Variants in SPAG1 observed in about 807,000 individuals in gnomAD.
SPAG1 encodes the protein sperm-associated antigen 1.
Under a neutral mutation model 100.5 loss-of-function variants are expected in SPAG1, and 69 were observed. The observed-to-expected ratio is 0.69, with a 90% CI of 0.57 to 0.84. The LOEUF (loss-of-function observed/expected upper bound fraction) is 0.84, where lower values mean the gene tolerates loss of function less well. Among genes scored for constraint, SPAG1 ranks in the 40% least tolerant of loss-of-function variants. SPAG1 has a pLI of 0.00. For missense variants in SPAG1, 955 were observed against 1,133.1 expected, an observed-to-expected ratio of 0.84 and a Z score of 2.26; for synonymous variants, 336 against 411.6, an observed-to-expected ratio of 0.82 and a Z score of 2.22.
At chr8:100,218,379 G>A (rs1400074660) in intron 12 of SPAG1, among the ~76,000 whole-genome samples, 1 of 152,154 alleles carries the variant, frequency 6.6e-6, no homozygotes, top group African/African-American at 2.4e-5. Flanking sequence ...CTTGGCTTAA[G>A]GCCATCTTGA....
intron 10 of SPAG1, among the ~76,000 whole-genome samples, chr8:100,209,377 C>A (rs1817628413): frequency 6.9e-6 from 1 of 145,956 alleles, no homozygotes; most frequent in Non-Finnish European, 1.5e-5. Flanking sequence ...TAATTCTGTC[C>A]CTCTAGAGAG....
intron 1 of SPAG1, chr8:100,158,971 C>CAAAAAAA: frequency 9.7e-6 from 1 of 103,536 alleles, no homozygotes. Flanking sequence ...CTTGATTAGT[C>CAAAAAAA]AAAAAAAAAA....
chr8:100,163,080 C>T (rs978896220), intron 2 of SPAG1, among the ~76,000 whole-genome samples: 1 of 152,146 alleles, frequency 6.6e-6, no homozygotes, highest in African/African-American at 2.4e-5. Flanking sequence ...GGTGACCCAC[C>T]GCACACTGAT....
intron 12 of SPAG1, among the ~76,000 whole-genome samples, chr8:100,217,469 G>A (rs914593761): frequency 1.3e-5 from 2 of 152,138 alleles, no homozygotes; most frequent in African/African-American, 4.8e-5. Flanking sequence ...TGGGGTTGGG[G>A]GGGTGTTGAA....
intron 12 of SPAG1, among the ~76,000 whole-genome samples, 170 bp downstream of exon 12, chr8:100,214,088 G>C (rs1019393518): frequency 6.6e-6 from 1 of 152,194 alleles, no homozygotes; most frequent in African/African-American, 2.4e-5. Context: ...TATATGAAGA[G>C]AGTTATAGAA....
At position 100,183,949 on chromosome 8, in the gene SPAG1, A is replaced by G. The variant is rs772048232; in HGVS notation, c.489-7A>G. ...CTTTTTTGGTTTTTATTGTTCTTTC[A>G]TTTAAGATTTGACGTGGAGAAGGAA... On this transcript the variant is annotated splice_polypyrimidine_tract_variant and splice_region_variant and intron_variant, in intron 5 of 18. Coordinates refer to ENST00000388798, the MANE Select transcript of SPAG1 (RefSeq NM_003114.5). 3 of 1,426,654 alleles carry G rather than the reference A, an allele frequency of 2.1e-6. No individual in the cohort carries two copies. Among genetic ancestry groups the G allele is most frequent in the African/African-American group, 1.5e-5 (1 of 67,926 alleles). The allele number at this position is 1,426,654 out of a possible 1,614,324, so 88.4% of individuals were successfully genotyped here. A position where few individuals can be genotyped will look rare whatever the true frequency, so the allele number is the denominator to read the frequency against.
chr8:100,201,604 C>T (rs1039016488), intron 10 of SPAG1, among the ~76,000 whole-genome samples: 2 of 152,102 alleles, frequency 1.3e-5, no homozygotes, highest in Non-Finnish European at 2.9e-5. Context: ...ATACAACTCC[C>T]GTAGCCCTTG....
rs1313126902 is a variant in SPAG1, at chr8:100,213,223, G to A, written c.1230G>A (p.Pro410=). 26 of 1,393,608 alleles carry A rather than the reference G, an allele frequency of 1.9e-5. No individual in the cohort carries two copies. The highest frequency in any genetic ancestry group is 2.1e-5 in the Non-Finnish European group (23 of 1,075,298). 86.3% of individuals were successfully genotyped at this position (1,393,608 alleles called of 1,614,324 possible). Residue 410 remains proline, a synonymous_variant, in exon 11 of 19, where the codon CCG becomes CCA. Transcript: ENST00000388798. The part of the protein sequence containing the change: ...ARGAPQRGQT[P]EAGADKRSPR... ...GCGCGCCGCAGCGGGGCCAGACCCCGGAGGCCGGCGCGGACAAGCGGAGCC... is the reference window on the plus strand; with the variant it reads ...GCGCGCCGCAGCGGGGCCAGACCCCAGAGGCCGGCGCGGACAAGCGGAGCC...
chr8:100,219,530 T>C (rs1275684216), intron 12 of SPAG1, among the ~76,000 whole-genome samples: 1 of 152,246 alleles, frequency 6.6e-6, no homozygotes, highest in African/African-American at 2.4e-5. Context: ...TGACTTAACA[T>C]ATTTTCAGTT....
At chr8:100,193,959 G>A (rs1816921020) in intron 9 of SPAG1, among the ~76,000 whole-genome samples, 153 bp from the exon 10 acceptor site, 1 of 151,068 alleles carries the variant, frequency 6.6e-6, no homozygotes, top group African/African-American at 2.4e-5. Context: ...TTTTTTTACA[G>A]TGGACATCTA....
chr8:100,225,124 A>G (rs752595549), intron 13 of SPAG1, 49 bp from the exon 14 acceptor site: 101 of 1,508,886 alleles, frequency 6.7e-5, no homozygotes, highest in Middle Eastern at 5.2e-4. Context: ...CTTCAGTAAT[A>G]TAAAAAGCAA....
chr8:100,216,817 G>A (rs182419165), intron 12 of SPAG1, among the ~76,000 whole-genome samples: 184 of 152,060 alleles, frequency 1.2e-3, no homozygotes, highest in Non-Finnish European at 8.8e-4. Flanking sequence ...TTCAGCTCAA[G>A]TGACTATATT....
chr8:100,172,668 A>ATG lies in SPAG1; in HGVS notation c.301-5138_301-5137dup, dbSNP rs1199821116. Among the ~76,000 whole-genome samples the ATG allele has an allele frequency of 9.9e-5, 10 of 100,648 alleles. No homozygotes were observed. In the East Asian group the frequency reaches 1.0e-3, roughly 10 times the overall value. The allele number at this position is 100,648 out of a possible 152,430, so 66.0% of individuals were successfully genotyped here. A position where few individuals can be genotyped will look rare whatever the true frequency, so the allele number is the denominator to read the frequency against. ...TGTGTGTGTGTGTGTGTGTGTGTGT[A>ATG]TGTGTGTGTGTATGTATGTGTATAT... On this transcript the variant is annotated intron_variant, in intron 3 of 18. Coordinates refer to ENST00000388798, the MANE Select transcript of SPAG1 (RefSeq NM_003114.5).
chr8:100,170,837 A>ATTTT (rs1280496956), intron 3 of SPAG1, among the ~76,000 whole-genome samples: 74 of 81,450 alleles, frequency 9.1e-4, no homozygotes, highest in African/African-American at 2.2e-3. Context: ...TTATTTATTT[A>ATTTT]TTTATTTATT....
At chr8:100,235,782 GC>G (rs1563816699) in intron 16 of SPAG1, among the ~76,000 whole-genome samples, 1 of 151,802 alleles carries the variant, frequency 6.6e-6, no homozygotes, top group Non-Finnish European at 1.5e-5. Flanking sequence ...TGTGACCCCC[GC>G]CCCATGCTGA....
At chr8:100,231,742 G>A (rs961214912) in intron 15 of SPAG1, among the ~76,000 whole-genome samples, 6 of 152,152 alleles carry the variant, frequency 3.9e-5, no homozygotes, top group Non-Finnish European at 8.8e-5. Flanking sequence ...GGTGGATCAC[G>A]AGGTCAGGAG....
chr8:100,191,553 T>C (rs1180525487), intron 9 of SPAG1, 57 bp downstream of exon 9: 3 of 1,200,152 alleles, frequency 2.5e-6, no homozygotes, highest in African/African-American at 3.0e-5. Context: ...TCTGTATTTA[T>C]TTTAAAGTGG....
intron 14 of SPAG1, among the ~76,000 whole-genome samples, chr8:100,230,162 C>T (rs1744594365): frequency 6.6e-6 from 1 of 152,162 alleles, no homozygotes; most frequent in South Asian, 2.1e-4. Context: ...GTGAGGTTTG[C>T]TTCACTTAAA....
chr8:100,160,901 T>G (rs960894804), intron 1 of SPAG1, among the ~76,000 whole-genome samples: 7 of 152,214 alleles, frequency 4.6e-5, no homozygotes, highest in African/African-American at 1.7e-4. Flanking sequence ...CCAGCTTTGC[T>G]TAAGTGAAGA....
Sources: allele counts gnomAD v4.1 joint callset (sites outside exome capture counted in the v4.1 genomes callset), GRCh38; gene constraint gnomAD v4.1.1; transcripts MANE v1.5; gene names NCBI Gene and HGNC (gene_info 2026-07-23, HGNC 2026-07-21).